MAPK8: variants seen among roughly 807,000 people sequenced by gnomAD.
The protein encoded by MAPK8 is JUN N-terminal kinase.
In MAPK8, 13 loss-of-function variants were observed where a neutral mutation model predicts 52.9. The observed-to-expected ratio is 0.25, with a 90% CI of 0.16 to 0.39. The LOEUF is 0.39. Ranked by LOEUF, MAPK8 falls within the 10% of genes least tolerant of loss-of-function variation. The probability of loss-of-function intolerance (pLI) is 1.00; values close to 1 mark genes in which losing one functional copy is unlikely to be tolerated. For synonymous variants in MAPK8, 191 were observed against 169.8 expected, an observed-to-expected ratio of 1.12 and a Z score of -0.97; for missense variants, 300 against 519.2, an observed-to-expected ratio of 0.58 and a Z score of 4.10.
chr10:48,343,314 C>G (rs1052488635), intron 1 of MAPK8, among the ~76,000 whole-genome samples: 1 of 152,164 alleles, frequency 6.6e-6, no homozygotes, highest in African/African-American at 2.4e-5. Context: ...CCACATCACT[C>G]CAGTTACTGC....
chr10:48,390,786 T>C (rs150813666), intron 1 of MAPK8, among the ~76,000 whole-genome samples: 76 of 152,320 alleles, frequency 5.0e-4, no homozygotes, highest in African/African-American at 1.8e-3. Context: ...TGAAACAATT[T>C]ATTAAGTAAT....
chr10:48,333,015 T>C (rs1268785188), intron 1 of MAPK8, among the ~76,000 whole-genome samples: 1 of 152,202 alleles, frequency 6.6e-6, no homozygotes, highest in Non-Finnish European at 1.5e-5. Flanking sequence ...ACCATCACTG[T>C]TATGTCCCTT....
intron 1 of MAPK8, among the ~76,000 whole-genome samples, chr10:48,392,209 C>T (rs2041661849): frequency 6.6e-6 from 1 of 152,102 alleles, no homozygotes; most frequent in Non-Finnish European, 1.5e-5. Context: ...GGGACAGGAC[C>T]ACTTCTGAAA....
chr10:48,407,650 A>G (rs1041469435), intron 3 of MAPK8, among the ~76,000 whole-genome samples: 3 of 152,204 alleles, frequency 2.0e-5, no homozygotes, highest in Non-Finnish European at 4.4e-5. Context: ...CATTTGAAGT[A>G]TACCATTCAG....
At chr10:48,425,262 A>ACT in intron 7 of MAPK8, 1 of 719,492 alleles carries the variant, frequency 1.4e-6, no homozygotes, top group Non-Finnish European at 2.6e-6. Context: ...GAGTGTAAAG[A>ACT]CTAGAGGAAA....
chr10:48,367,081 A>G (rs1011412288), intron 1 of MAPK8, among the ~76,000 whole-genome samples: 9 of 152,146 alleles, frequency 5.9e-5, no homozygotes, highest in African/African-American at 2.2e-4. Context: ...AATTAAGCCA[A>G]TTTTAGTTAA....
chr10:48,433,284 G>A (rs747016036), intron 11 of MAPK8, among the ~76,000 whole-genome samples: 1 of 152,020 alleles, frequency 6.6e-6, no homozygotes, highest in African/African-American at 2.4e-5. Flanking sequence ...AAGACATTTG[G>A]GTAAAATAAT....
chr10:48,433,209 C>T (rs1411844605), intron 11 of MAPK8, among the ~76,000 whole-genome samples: 1 of 152,062 alleles, frequency 6.6e-6, no homozygotes, highest in Non-Finnish European at 1.5e-5. Flanking sequence ...GTTTTTTCCC[C>T]TTAGGTACTT....
intron 1 of MAPK8, among the ~76,000 whole-genome samples, chr10:48,356,966 A>G (rs1847035150): frequency 1.3e-5 from 2 of 151,708 alleles, no homozygotes; most frequent in African/African-American, 4.8e-5. Flanking sequence ...TATATCGTGC[A>G]AATACTAATA....
chr10:48,370,003 T>C (rs1229126355), intron 1 of MAPK8, among the ~76,000 whole-genome samples: 1 of 152,012 alleles, frequency 6.6e-6, no homozygotes, highest in African/African-American at 2.4e-5. Context: ...GTAGAGATGA[T>C]TATGACAGCG....
intron 1 of MAPK8, among the ~76,000 whole-genome samples, chr10:48,361,745 G>A (rs2698767): frequency 8.6e-5 from 13 of 151,902 alleles, no homozygotes; most frequent in African/African-American, 3.1e-4. Context: ...TGGGGCGTAG[G>A]GGGGAGCTTA....
chr10:48,334,690 A>C (rs10776596), intron 1 of MAPK8, among the ~76,000 whole-genome samples: 81,991 of 151,812 alleles, frequency 0.54, 22,365 homozygotes, highest in Middle Eastern at 0.73. Context: ...GACTCTACGC[A>C]GGCATAAAGA....
At chr10:48,422,005 T>C (rs562106211) in intron 6 of MAPK8, among the ~76,000 whole-genome samples, 1 of 107,916 alleles carries the variant, frequency 9.3e-6, no homozygotes, top group South Asian at 3.4e-4. Context: ...ATTTTATTTA[T>C]CTTATTTATT....
At chr10:48,424,012 T>C (rs2133220747) in intron 6 of MAPK8, 76 bp from the exon 7 acceptor site, 1 of 1,018,384 alleles carries the variant, frequency 9.8e-7, no homozygotes, top group Non-Finnish European at 1.4e-6. Context: ...TTTTATATAA[T>C]GCAGTCATAT....
At chr10:48,377,499 T>G (rs1325406127) in intron 1 of MAPK8, among the ~76,000 whole-genome samples, 1 of 152,160 alleles carries the variant, frequency 6.6e-6, no homozygotes, top group East Asian at 1.9e-4. Flanking sequence ...AAGATGTGAC[T>G]GTGGTGTGTG....
chr10:48,425,172 G>T, intron 7 of MAPK8: 1 of 765,356 alleles, frequency 1.3e-6, no homozygotes, highest in African/African-American at 1.7e-5. Flanking sequence ...ACTTAGAATT[G>T]TTTCAGGAGG....
chr10:48,424,760 G>A (rs2043573174), intron 7 of MAPK8, among the ~76,000 whole-genome samples: 1 of 151,920 alleles, frequency 6.6e-6, no homozygotes, highest in Admixed American at 6.6e-5. Context: ...TGTTTCATAT[G>A]TTAATTCTGA....
chr10:48,385,234 C>G (rs1430055295), intron 1 of MAPK8, among the ~76,000 whole-genome samples: 3 of 152,094 alleles, frequency 2.0e-5, no homozygotes, highest in Non-Finnish European at 2.9e-5. Context: ...CTCTCTGGGC[C>G]TGATAATTTA....
chr10:48,330,045 G>A (rs1207789766), intron 1 of MAPK8, among the ~76,000 whole-genome samples: 1 of 152,078 alleles, frequency 6.6e-6, no homozygotes, highest in Non-Finnish European at 1.5e-5. Context: ...TATGTATTTT[G>A]TGCACATGTG....
Sources: gnomAD v4.1 joint callset for allele counts (sites outside exome capture counted in the v4.1 genomes callset) on GRCh38, gnomAD v4.1.1 for gene constraint, MANE v1.5 for transcripts, NCBI Gene and HGNC (gene_info 2026-07-23, HGNC 2026-07-21) for gene names.